The following UGGT2 variants were observed in gnomAD, a reference collection of about 807,000 sequenced individuals.
The protein encoded by UGGT2 is UDP-glucose glycoprotein glucosyltransferase 2.
UGGT2 carries 180 observed loss-of-function variants against 192.1 expected under a neutral mutation model. The ratio of observed to expected loss-of-function variants is 0.94; its 90% CI spans 0.83 to 1.06. The LOEUF (loss-of-function observed/expected upper bound fraction) is 1.06. Ranked by LOEUF, UGGT2 falls within the 50% of genes least tolerant of loss-of-function variation. UGGT2 has a pLI of 0.00. For synonymous variants in UGGT2, 580 were observed against 591.0 expected (o/e 0.98, Z 0.27); for missense variants, 1,849 against 1,795.7 (o/e 1.03, Z -0.54).
At chr13:96,004,625 C>T (rs1256339838) in intron 5 of UGGT2, among the ~76,000 whole-genome samples, 1 of 151,792 alleles carries the variant, frequency 6.6e-6, no homozygotes, top group Non-Finnish European at 1.5e-5. Context: ...TGGTGCGCTG[C>T]ACCCACTAAC....
intron 10 of UGGT2, among the ~76,000 whole-genome samples, chr13:95,977,219 A>G (rs550921569): frequency 6.6e-6 from 1 of 152,342 alleles, no homozygotes; most frequent in South Asian, 2.1e-4. Flanking sequence ...ATCAAACTAC[A>G]GAGCTTCTGC....
At chr13:96,027,895 C>T (rs980681127) in intron 2 of UGGT2, among the ~76,000 whole-genome samples, 2 of 152,204 alleles carry the variant, frequency 1.3e-5, no homozygotes, top group East Asian at 3.8e-4. Context: ...GATCTGTCTA[C>T]AGTATTTGAT....
chr13:96,007,449 C>A (rs1190789557), intron 5 of UGGT2, among the ~76,000 whole-genome samples: 4 of 152,026 alleles, frequency 2.6e-5, no homozygotes, highest in Non-Finnish European at 5.9e-5. Context: ...AAGCCTTAGC[C>A]AGAGTAATAA....
intron 36 of UGGT2, among the ~76,000 whole-genome samples, chr13:95,849,246 T>G (rs1888773071): frequency 6.6e-6 from 1 of 152,058 alleles, no homozygotes; most frequent in Non-Finnish European, 1.5e-5. Flanking sequence ...TAAAAAAAAT[T>G]TATCTTATGG....
At chr13:95,847,978 T>C (rs1233994424) in intron 36 of UGGT2, among the ~76,000 whole-genome samples, 1 of 152,236 alleles carries the variant, frequency 6.6e-6, no homozygotes, top group Non-Finnish European at 1.5e-5. Flanking sequence ...GTGTTGTCAG[T>C]ATTCTGGATT....
In UGGT2 at chr13:95,888,431, G is replaced by C. The variant is rs148507793; in HGVS notation, c.2959-460C>G. ...TCATTTCCCTGGATAGTAAGAAGTAGAGGAAGAATTACTAATTTTGATAGT... is the reference window on the plus strand; with the variant it reads ...TCATTTCCCTGGATAGTAAGAAGTACAGGAAGAATTACTAATTTTGATAGT... On this transcript the variant is annotated intron_variant, in intron 25 of 38. Coordinates refer to ENST00000376747, the MANE Select transcript of UGGT2 (RefSeq NM_020121.4). 9.2e-5 allele frequency among the ~76,000 whole-genome samples: 14 copies of C among 152,284 alleles called. 1 individual carries two copies. The highest frequency in any genetic ancestry group is 3.4e-4 in the African/African-American group (14 of 41,560).
chr13:95,955,825 T>C (rs1333433707), intron 12 of UGGT2, among the ~76,000 whole-genome samples: 1 of 152,222 alleles, frequency 6.6e-6, no homozygotes, highest in Non-Finnish European at 1.5e-5. Flanking sequence ...TCTTTTGAAC[T>C]TTAGGAAATG....
intron 31 of UGGT2, among the ~76,000 whole-genome samples, chr13:95,862,526 G>A (rs1890254792): frequency 6.6e-6 from 1 of 152,124 alleles, no homozygotes; most frequent in South Asian, 2.1e-4. Flanking sequence ...ATTCTATGAG[G>A]TTTAGGTGGG....
chr13:95,833,973 G>A (rs1458197726), intron 37 of UGGT2, among the ~76,000 whole-genome samples: 2 of 152,096 alleles, frequency 1.3e-5, no homozygotes, highest in Admixed American at 6.6e-5. Context: ...GTCATGAGCC[G>A]TGAGCCTGTT....
At chr13:95,846,259 C>T (rs1217712200) in intron 36 of UGGT2, among the ~76,000 whole-genome samples, 2 of 152,134 alleles carry the variant, frequency 1.3e-5, no homozygotes. Context: ...CCCGTCTCCA[C>T]CAAAAAAATA....
chr13:95,895,181 T>G lies in UGGT2; in HGVS notation c.2758A>C (p.Asn920His), dbSNP rs1167741210. 1 of 1,580,658 alleles carries G rather than the reference T, an allele frequency of 6.3e-7. No homozygotes were observed. The highest frequency in any genetic ancestry group is 8.5e-7 in the Non-Finnish European group (1 of 1,171,634). Residue 920 changes from asparagine to histidine, a missense_variant and splice_region_variant, in exon 23 of 39, where the codon AAC becomes CAC. Physicochemically the swap from Asn to His is moderately conservative, Grantham distance 68. Coordinates refer to ENST00000376747, the MANE Select transcript of UGGT2 (RefSeq NM_020121.4). ...TGCTCTTAGAACTTATATACTCACT[T>G]ATTTGCGTTGATTCCCATATTTTCA... Reference protein sequence around the residue: ...IVENMGINANNMSDFIMKVDA... With the variant: ...IVENMGINANHMSDFIMKVDA...
intron 37 of UGGT2, among the ~76,000 whole-genome samples, chr13:95,833,951 G>A (rs1887001437): frequency 6.6e-6 from 1 of 152,046 alleles, no homozygotes; most frequent in Admixed American, 6.6e-5. Context: ...ATTTCTTAGG[G>A]GAAAGCTATT....
chr13:95,821,377 G>A (rs1385175250), intron 38 of UGGT2, among the ~76,000 whole-genome samples: 4 of 152,036 alleles, frequency 2.6e-5, no homozygotes, highest in Non-Finnish European at 1.5e-5. Context: ...TTGGCCATTT[G>A]TGCGTCTTCT....
chr13:95,803,322 G>A (rs894218309), intron 38 of UGGT2, among the ~76,000 whole-genome samples: 12 of 151,768 alleles, frequency 7.9e-5, no homozygotes, highest in East Asian at 2.0e-4. Flanking sequence ...GTATAATGGC[G>A]TGATCTCAGC....
chr13:95,922,865 A>T (rs543903055), intron 20 of UGGT2, among the ~76,000 whole-genome samples: 53 of 152,266 alleles, frequency 3.5e-4, no homozygotes, highest in Non-Finnish European at 2.2e-4. Flanking sequence ...AAAAAAATTT[A>T]AAAAAAGAAA....
intron 20 of UGGT2, among the ~76,000 whole-genome samples, chr13:95,918,951 A>G (rs985614531): frequency 6.6e-6 from 1 of 152,184 alleles, no homozygotes; most frequent in Admixed American, 6.5e-5. Context: ...CCATTGATGA[A>G]CATCAATGCA....
intron 4 of UGGT2, among the ~76,000 whole-genome samples, chr13:96,016,713 T>C (rs973219082): frequency 1.3e-4 from 20 of 152,258 alleles, no homozygotes; most frequent in Middle Eastern, 6.8e-3. Flanking sequence ...GGGCAGTGCA[T>C]AGAGGAAATG....
chr13:96,029,623 G>A (rs1254162530), intron 2 of UGGT2, among the ~76,000 whole-genome samples: 1 of 152,164 alleles, frequency 6.6e-6, no homozygotes, highest in East Asian at 1.9e-4. Flanking sequence ...GTTCAACCCT[G>A]AAAACACTTG....
At chr13:96,025,679 CT>C (rs1174787995) in intron 2 of UGGT2, among the ~76,000 whole-genome samples, 1 of 152,056 alleles carries the variant, frequency 6.6e-6, no homozygotes, top group Non-Finnish European at 1.5e-5. Context: ...CTGTGGCAAG[CT>C]AAGTTTTTAG....
Sources: gnomAD v4.1 joint callset for allele counts (sites outside exome capture counted in the v4.1 genomes callset) on GRCh38, gnomAD v4.1.1 for gene constraint, MANE v1.5 for transcripts, NCBI Gene and HGNC (gene_info 2026-07-23, HGNC 2026-07-21) for gene names.